The following STXBP5L variants were observed in gnomAD, a reference collection of about 807,000 sequenced individuals.
STXBP5L encodes syntaxin-binding protein 5-like.
STXBP5L carries 65 observed loss-of-function variants against 144.5 expected under a neutral mutation model. That is an observed-to-expected ratio of 0.45 (90% CI 0.37 to 0.55). STXBP5L has a LOEUF of 0.55. STXBP5L is among the 20% of genes least tolerant of loss of function. The pLI, the probability that STXBP5L is intolerant of heterozygous loss-of-function variation, is 0.00. For synonymous variants in STXBP5L, 505 were observed against 469.6 expected (o/e 1.08, Z -0.97); for missense variants, 1,298 against 1,405.5 (o/e 0.92, Z 1.22).
At chr3:121,175,478 C>G (rs1395945168) in intron 9 of STXBP5L, among the ~76,000 whole-genome samples, 1 of 152,122 alleles carries the variant, frequency 6.6e-6, no homozygotes, top group African/African-American at 2.4e-5. Context: ...CAAACACACA[C>G]AGTCTCAAGA....
intron 20 of STXBP5L, among the ~76,000 whole-genome samples, chr3:121,347,192 C>A (rs966117787): frequency 2.0e-5 from 3 of 152,108 alleles, no homozygotes; most frequent in Admixed American, 6.6e-5. Context: ...TTTCCCAGCA[C>A]CATTTATTAA....
chr3:121,016,130 A>G (rs1003234860), intron 3 of STXBP5L, among the ~76,000 whole-genome samples: 23 of 152,312 alleles, frequency 1.5e-4, no homozygotes, highest in African/African-American at 5.1e-4. Flanking sequence ...ATTAACGTAA[A>G]TACTCTAAAG....
chr3:121,398,042 A>G (rs1273700366), intron 22 of STXBP5L, among the ~76,000 whole-genome samples: 1 of 152,138 alleles, frequency 6.6e-6, no homozygotes, highest in East Asian at 1.9e-4. Context: ...TGCCTTGTTT[A>G]TTTGTGCTTC....
intron 3 of STXBP5L, among the ~76,000 whole-genome samples, chr3:120,983,878 T>C (rs555149362): frequency 7.2e-5 from 11 of 152,316 alleles, no homozygotes; most frequent in African/African-American, 2.2e-4. Flanking sequence ...ATTTACTTGA[T>C]ATTTTGATTT....
intron 3 of STXBP5L, among the ~76,000 whole-genome samples, chr3:121,026,426 G>C (rs1945949414): frequency 1.3e-5 from 2 of 151,958 alleles, no homozygotes; most frequent in South Asian, 4.1e-4. Context: ...CACATCACTA[G>C]CTTATATTTT....
intron 3 of STXBP5L, among the ~76,000 whole-genome samples, chr3:121,016,323 C>T (rs1437158581): frequency 6.6e-6 from 1 of 151,998 alleles, no homozygotes; most frequent in Admixed American, 6.6e-5. Flanking sequence ...AACAATGAAA[C>T]TATGTGAAAA....
At chr3:121,215,740 T>C (rs532918965) in intron 10 of STXBP5L, among the ~76,000 whole-genome samples, 12 of 152,334 alleles carry the variant, frequency 7.9e-5, no homozygotes, top group Non-Finnish European at 1.6e-4. Flanking sequence ...TGAATTTGAA[T>C]GTTGGCTTGT....
chr3:121,046,989 T>C (rs963965506), intron 5 of STXBP5L, among the ~76,000 whole-genome samples: 8 of 152,142 alleles, frequency 5.3e-5, no homozygotes, highest in African/African-American at 1.9e-4. Flanking sequence ...TGTGGACCTT[T>C]AGCACTATAA....
At chr3:121,186,732 C>A (rs1577150148) in intron 9 of STXBP5L, among the ~76,000 whole-genome samples, 1 of 152,128 alleles carries the variant, frequency 6.6e-6, no homozygotes, top group Non-Finnish European at 1.5e-5. Flanking sequence ...TGACAAACAA[C>A]CCCATCAACA....
At chr3:121,006,550 AT>A (rs1944325803) in intron 3 of STXBP5L, among the ~76,000 whole-genome samples, 1 of 152,116 alleles carries the variant, frequency 6.6e-6, no homozygotes, top group Non-Finnish European at 1.5e-5. Context: ...GCCCATTTAC[AT>A]TTAAGGTTGA....
intron 22 of STXBP5L, among the ~76,000 whole-genome samples, chr3:121,400,067 C>G (rs959834815): frequency 3.9e-5 from 6 of 152,218 alleles, no homozygotes; most frequent in Non-Finnish European, 5.9e-5. Flanking sequence ...TACTGATGCA[C>G]AGGGTTCTGC....
At chr3:121,029,808 C>A (rs1178679777) in intron 3 of STXBP5L, among the ~76,000 whole-genome samples, 1 of 151,134 alleles carries the variant, frequency 6.6e-6, no homozygotes, top group Non-Finnish European at 1.5e-5. Context: ...TATGCAGAAT[C>A]TACAAGGAAC....
At chr3:121,353,179 G>A (rs764132363) in intron 20 of STXBP5L, among the ~76,000 whole-genome samples, 2 of 152,150 alleles carry the variant, frequency 1.3e-5, no homozygotes, top group Non-Finnish European at 1.5e-5. Flanking sequence ...TTTGGTATCA[G>A]CATGATGTTG....
chr3:121,009,402 C>T (rs1343460445), intron 3 of STXBP5L, among the ~76,000 whole-genome samples: 6 of 152,006 alleles, frequency 3.9e-5, no homozygotes, highest in Non-Finnish European at 8.8e-5. Flanking sequence ...ATTTATCCTT[C>T]CTCACATTAC....
chr3:121,211,019 G>C (rs1007413779), intron 10 of STXBP5L, among the ~76,000 whole-genome samples: 1 of 152,090 alleles, frequency 6.6e-6, no homozygotes, highest in Non-Finnish European at 1.5e-5. Context: ...AATTACATTG[G>C]GCAGTATTGC....
At chr3:121,334,146 G>C (rs1204914243) in intron 20 of STXBP5L, among the ~76,000 whole-genome samples, 1 of 152,096 alleles carries the variant, frequency 6.6e-6, no homozygotes, top group East Asian at 1.9e-4. Context: ...CTTCCACCAT[G>C]ATTGTGAAGC....
At chr3:121,053,710 A>G (rs1027314663) in intron 5 of STXBP5L, among the ~76,000 whole-genome samples, 6 of 152,230 alleles carry the variant, frequency 3.9e-5, no homozygotes, top group African/African-American at 1.4e-4. Flanking sequence ...ACCAAAAGCA[A>G]TGACAACAAA....
At chr3:121,031,675 T>C (rs1946378706) in intron 3 of STXBP5L, among the ~76,000 whole-genome samples, 1 of 152,082 alleles carries the variant, frequency 6.6e-6, no homozygotes, top group South Asian at 2.1e-4. Context: ...ACATAAAAAA[T>C]ATCTTCATAG....
At chr3:121,375,655 C>G (rs1292511117) in intron 20 of STXBP5L, among the ~76,000 whole-genome samples, 1 of 152,098 alleles carries the variant, frequency 6.6e-6, no homozygotes, top group Non-Finnish European at 1.5e-5. Flanking sequence ...ATGTTAACTC[C>G]CATTTTTTAA....
Sources: allele counts gnomAD v4.1 joint callset (sites outside exome capture counted in the v4.1 genomes callset), GRCh38; gene constraint gnomAD v4.1.1; transcripts MANE v1.5; gene names NCBI Gene and HGNC (gene_info 2026-07-23, HGNC 2026-07-21).